POP4: variants seen among roughly 807,000 people sequenced by gnomAD.
The protein encoded by POP4 is POP4 ribonuclease P/MRP subunit.
POP4 carries 31 observed loss-of-function variants against 29.9 expected under a neutral mutation model. The observed-to-expected ratio is 1.04, with a 90% CI of 0.78 to 1.40. The LOEUF (loss-of-function observed/expected upper bound fraction) is 1.40. Among genes scored for constraint, POP4 ranks in the 40% most tolerant of loss-of-function variants. POP4 has a pLI of 0.00. For missense variants in POP4, 286 were observed against 282.7 expected (o/e 1.01, Z -0.08); for synonymous variants, 110 against 108.2 (o/e 1.02, Z -0.10).
chr19:29,616,836 G>A lies in POP4; in HGVS notation c.*1456G>A, dbSNP rs1286633670. On this transcript the variant is annotated 3_prime_UTR_variant, in exon 7 of 7. Coordinates refer to ENST00000585603, the MANE Select transcript of POP4 (RefSeq NM_006627.3). ...GGAGCCCAAGCACACTGCCACCTCG[G>A]ACACGGGCCCCGGCCCAGCGACTGC... The A allele has an allele frequency of 6.6e-6, 1 of 152,310 alleles. No homozygotes were observed. The highest frequency in any genetic ancestry group is 2.4e-5 in the African/African-American group (1 of 41,452). The allele number at this position is 152,310 out of a possible 1,614,324, so 9.4% of individuals were successfully genotyped here.
chr19:29,613,191 T>TA (rs1462868309), intron 5 of POP4: 5 of 152,764 alleles, frequency 3.3e-5, no homozygotes, highest in Non-Finnish European at 7.3e-5. Context: ...GCCCTGTCCC[T>TA]ACTCTTCATA....
At position 29,610,508 on chromosome 19, in the gene POP4, A is replaced by G. The variant is rs1457998230; in HGVS notation, c.160A>G (p.Lys54Glu). Reference sequence around the variant, plus strand: ...GGCCCGCGAGGACCAGCTGCAGCGCAAGGCGGTGGTCCTGGAGTACTTCAC... The same window carrying G: ...GGCCCGCGAGGACCAGCTGCAGCGCGAGGCGGTGGTCCTGGAGTACTTCAC... ...PQAREDQLQR[K>E]AVVLEYFTRH... Residue 54 changes from lysine (K) to glutamate (E), a missense_variant, in exon 3 of 7, where the codon AAG becomes GAG. Lys to Glu is a moderately conservative substitution (Grantham distance 56, BLOSUM62 1). Transcript: ENST00000585603. The G allele has an allele frequency of 6.2e-7, 1 of 1,612,590 alleles. No homozygotes were observed. Among genetic ancestry groups the G allele is most frequent in the African/African-American group, 1.3e-5 (1 of 75,026 alleles).
At position 29,610,478 on chromosome 19, in the gene POP4, C is replaced by A. The variant is rs1192872078; in HGVS notation, c.130C>A (p.Pro44Thr). ...FLKRSTPRMS[P>T]QAREDQLQRK... ...GAAGCGCAGCACGCCCCGCATGAGC[C>A]CGCAGGCCCGCGAGGACCAGCTGCA... The change falls in exon 3 of 7, where the codon CCG becomes ACG. Residue 44 changes from proline (P) to threonine (T), a missense_variant. Pro to Thr is a conservative substitution (Grantham distance 38). Coordinates refer to ENST00000585603, the MANE Select transcript of POP4 (RefSeq NM_006627.3). 3 of 1,607,396 alleles carry A rather than the reference C, an allele frequency of 1.9e-6. No individual in the cohort carries two copies. Among genetic ancestry groups the A allele is most frequent in the Admixed American group, 3.4e-5 (2 of 58,854 alleles).
intron 5 of POP4, among the ~76,000 whole-genome samples, chr19:29,612,410 C>G (rs1184759845): frequency 1.3e-5 from 2 of 152,180 alleles, no homozygotes; most frequent in African/African-American, 2.4e-5. Flanking sequence ...TGTACCTTCT[C>G]CACACAGGGA....
chr19:29,606,613 T>C, intron 1 of POP4: 1 of 362,008 alleles, frequency 2.8e-6, no homozygotes, highest in South Asian at 8.6e-5. Context: ...ACTTGGCCAC[T>C]ATCTCCCGGG....
intron 6 of POP4, among the ~76,000 whole-genome samples, chr19:29,614,231 G>A (rs928452583): frequency 6.6e-6 from 1 of 152,226 alleles, no homozygotes; most frequent in African/African-American, 2.4e-5. Flanking sequence ...GTGCCTCAGG[G>A]GACCTGGGTC....
At chr19:29,612,282 T>A in intron 5 of POP4, 104 bp downstream of exon 5, 1 of 1,114,688 alleles carries the variant, frequency 9.0e-7, no homozygotes, top group Non-Finnish European at 1.3e-6. Flanking sequence ...CTTTACCGTG[T>A]GGATTCCCTG....
intron 4 of POP4, 25 bp downstream of exon 4, chr19:29,611,964 C>A: frequency 6.2e-7 from 1 of 1,608,084 alleles, no homozygotes; most frequent in Non-Finnish European, 8.5e-7. Context: ...TGAAGCTTTG[C>A]TCTTTGGGGT....
At chr19:29,607,694 T>G (rs1971016283) in intron 1 of POP4, among the ~76,000 whole-genome samples, 1 of 152,230 alleles carries the variant, frequency 6.6e-6, no homozygotes, top group African/African-American at 2.4e-5. Context: ...GAATTTATTT[T>G]AGAGGTTGAA....
At chr19:29,606,409 A>G in intron 1 of POP4, 84 bp downstream of exon 1, 1 of 1,456,410 alleles carries the variant, frequency 6.9e-7, no homozygotes, top group South Asian at 1.4e-5. Flanking sequence ...GGTCCGGGCT[A>G]CCTGTTGCTG....
intron 3 of POP4, chr19:29,610,852 G>A: frequency 1.8e-6 from 1 of 567,364 alleles, no homozygotes; most frequent in South Asian, 2.1e-5. Context: ...ACCTTCAGGA[G>A]TAAGACCCGT....
At chr19:29,608,529 C>G in intron 1 of POP4, 128 bp from the exon 2 acceptor site, 7 of 907,664 alleles carry the variant, frequency 7.7e-6, no homozygotes, top group Non-Finnish European at 1.2e-5. Context: ...CTTGGCCTCC[C>G]AAAGTGCTAG....
intron 5 of POP4, 59 bp from the exon 6 acceptor site, chr19:29,613,812 T>G (rs1443193813): frequency 6.4e-7 from 1 of 1,552,094 alleles, no homozygotes; most frequent in Non-Finnish European, 8.7e-7. Context: ...GGCCTGCTTC[T>G]CTGTGGTTCC....
At chr19:29,614,301 G>A (rs897150886) in intron 6 of POP4, among the ~76,000 whole-genome samples, 1 of 152,218 alleles carries the variant, frequency 6.6e-6, no homozygotes, top group South Asian at 2.1e-4. Context: ...CCAGAGGAAT[G>A]TAGCCAAACA....
chr19:29,609,736 G>A (rs191436469), intron 2 of POP4, among the ~76,000 whole-genome samples: 75 of 152,284 alleles, frequency 4.9e-4, no homozygotes, highest in African/African-American at 8.9e-4. Context: ...GTAAGTTGAC[G>A]CCCTGCTCTC....
Position 29,615,758 on chromosome 19 carries a change from A to G in POP4, c.*378A>G, listed in dbSNP as rs2145560443. On this transcript the variant is annotated 3_prime_UTR_variant, in exon 7 of 7. Transcript: ENST00000585603. Reference sequence around the variant, plus strand: ...TTGCATCTGTGATAATACAGTACATATGTGGACATAAACAGGGATCAAATA... The same window carrying G: ...TTGCATCTGTGATAATACAGTACATGTGTGGACATAAACAGGGATCAAATA... 6.2e-6 allele frequency: 1 copy of G among 161,812 alleles called. No individual in the cohort carries two copies. The highest frequency in any genetic ancestry group is 1.7e-4 in the East Asian group (1 of 5,738). 10.0% of individuals were successfully genotyped at this position (161,812 alleles called of 1,614,324 possible).
At position 29,613,913 on chromosome 19, in the gene POP4, T is replaced by A. The variant is rs1446705091; in HGVS notation, c.467T>A (p.Ile156Asn). 1.2e-6 allele frequency: 2 copies of A among 1,613,862 alleles called. No individual in the cohort carries two copies. Among genetic ancestry groups the A allele is most frequent in the Non-Finnish European group, 1.7e-6 (2 of 1,179,938 alleles). ...CCCTCTTATGTGGGTATTACAGGAATCCTTCTACAGGAAACAAAGCACATT... is the reference window on the plus strand; with the variant it reads ...CCCTCTTATGTGGGTATTACAGGAAACCTTCTACAGGAAACAAAGCACATT... ...KCPSYVGITGILLQETKHIFK... is the reference protein window; with the variant it reads ...KCPSYVGITGNLLQETKHIFK... The change falls in exon 6 of 7, where the codon ATC (isoleucine) becomes AAC (asparagine). Residue 156 changes from isoleucine (I) to asparagine (N), a missense_variant. Coordinates refer to ENST00000585603, the MANE Select transcript of POP4 (RefSeq NM_006627.3).
intron 1 of POP4, chr19:29,606,634 T>A: frequency 3.0e-6 from 1 of 337,492 alleles, no homozygotes; most frequent in Non-Finnish European, 5.3e-6. Flanking sequence ...GTGACCGCGG[T>A]CAAGATCCTG....
chr19:29,608,710 G>A lies in POP4; in HGVS notation c.60+1G>A. 1.9e-6 allele frequency: 3 copies of A among 1,613,814 alleles called. No individual in the cohort carries two copies. Among genetic ancestry groups the A allele is most frequent in the Non-Finnish European group, 1.7e-6 (2 of 1,179,728 alleles). On this transcript the variant is annotated splice_donor_variant, in intron 2 of 6. Transcript: ENST00000585603. LOFTEE classifies it high-confidence loss of function. ...AGAGGCGAATGACTCCGATGTCCAG[G>A]TCAGTTCTTGGCAGGGAGTCCAGGA... is the stretch of plus-strand genomic sequence containing the variant.
Sources: gnomAD v4.1 joint callset for allele counts (sites outside exome capture counted in the v4.1 genomes callset) on GRCh38, gnomAD v4.1.1 for gene constraint, MANE v1.5 for transcripts, NCBI Gene and HGNC (gene_info 2026-07-23, HGNC 2026-07-21) for gene names.